F2R: variants seen among roughly 807,000 people sequenced by gnomAD.
F2R encodes proteinase-activated receptor 1.
F2R carries 12 observed loss-of-function variants against 18.3 expected under a neutral mutation model. That is an observed-to-expected ratio of 0.66 (90% confidence interval 0.42 to 1.06). The LOEUF (loss-of-function observed/expected upper bound fraction) is 1.06, where lower values mean the gene tolerates loss of function less well. Ranked by LOEUF, F2R falls within the 50% of genes least tolerant of loss-of-function variation. The pLI, the probability that F2R is intolerant of heterozygous loss-of-function variation, is 0.00. For missense variants in F2R, 438 were observed against 530.8 expected (o/e 0.83, Z 1.72); for synonymous variants, 210 against 219.9 (o/e 0.95, Z 0.40).
chr5:76,716,371 G>C lies in F2R; in HGVS notation c.64G>C (p.Ala22Pro). 6.9e-7 allele frequency: 1 copy of C among 1,458,364 alleles called. No homozygotes were observed. The highest frequency in any genetic ancestry group is 9.0e-7 in the Non-Finnish European group (1 of 1,109,074). The allele number at this position is 1,458,364 out of a possible 1,614,324, so 90.3% of individuals were successfully genotyped here. A position where few individuals can be genotyped will look rare whatever the true frequency, so the allele number is the denominator to read the frequency against. The change falls in exon 1 of 2, where the codon GCC (alanine) becomes CCC (proline). Residue 22 changes from alanine to proline, a missense_variant. Coordinates refer to ENST00000319211, the MANE Select transcript of F2R (RefSeq NM_001992.5). ...CFSLCGPLLS[A>P]RTRARRPESK... ...CAGTCTGTGCGGCCCGCTGTTGTCT[G>C]CCCGCACCCGGGCCCGCAGGCCAGG...
intron 1 of F2R, among the ~76,000 whole-genome samples, chr5:76,726,231 A>G (rs1372678970): frequency 6.6e-6 from 1 of 151,928 alleles, no homozygotes; most frequent in Non-Finnish European, 1.5e-5. Flanking sequence ...TCTACTAAAA[A>G]TACAAAAATT....
chr5:76,733,492 C>T lies in F2R; in HGVS notation c.1267C>T (p.Leu423=), dbSNP rs750721419. 5.6e-6 allele frequency: 9 copies of T among 1,605,840 alleles called. No individual in the cohort carries two copies. Among genetic ancestry groups the T allele is most frequent in the South Asian group, 1.1e-5 (1 of 89,366 alleles). ...SNLNNSIYKK[L]LT ...CCTGAATAACAGCATATACAAAAAG[C>T]TGTTAACTTAGGAAAAGGGACTGCT... The change falls in exon 2 of 2, where the codon CTG becomes TTG. Residue 423 remains leucine, a synonymous_variant. Coordinates refer to ENST00000319211, the MANE Select transcript of F2R (RefSeq NM_001992.5).
intron 1 of F2R, among the ~76,000 whole-genome samples, chr5:76,721,144 A>G (rs1308461421): frequency 6.6e-6 from 1 of 152,146 alleles, no homozygotes; most frequent in African/African-American, 2.4e-5. Flanking sequence ...CTCCCCTTCC[A>G]TTGCGGATAC....
intron 1 of F2R, among the ~76,000 whole-genome samples, chr5:76,728,853 G>A (rs995472056): frequency 6.6e-6 from 1 of 152,056 alleles, no homozygotes; most frequent in African/African-American, 2.4e-5. Flanking sequence ...ACCAAGCCTG[G>A]CTAATTTTTG....
rs373886145 is a variant in F2R, at chr5:76,732,866, G to A, written c.641G>A (p.Arg214His). The A allele has an allele frequency of 1.1e-5, 17 of 1,613,998 alleles. No individual in the cohort carries two copies. The highest frequency in any genetic ancestry group is 2.2e-5 in the East Asian group (1 of 44,888). The stretch of plus-strand genomic sequence containing the variant: ...TATCCCATGCAGTCCCTCTCCTGGC[G>A]TACTCTGGGAAGGGCTTCCTTCACT... ...VVYPMQSLSW[R>H]TLGRASFTCL... Residue 214 changes from arginine to histidine, a missense_variant, in exon 2 of 2, where the codon CGT becomes CAT. Arg to His is a conservative substitution (Grantham distance 29, BLOSUM62 0). Transcript: ENST00000319211.
intron 1 of F2R, among the ~76,000 whole-genome samples, chr5:76,720,127 C>T (rs76958298): frequency 0.011 from 1,696 of 152,224 alleles, 41 homozygotes; most frequent in African/African-American, 0.039. Flanking sequence ...GTGGCTTTGC[C>T]TTTATTTTTA....
In F2R at chr5:76,732,492, A is replaced by T. The variant is rs759779054; in HGVS notation, c.267A>T (p.Ser89=). ...PLQKQLPAFI[S]EDASGYLTSS... ...AAAAACAACTTCCTGCATTCATCTC[A>T]GAAGATGCCTCCGGATATTTGACCA... The change falls in exon 2 of 2, where the codon TCA becomes TCT. Residue 89 remains serine, a synonymous_variant. Coordinates refer to ENST00000319211, the MANE Select transcript of F2R (RefSeq NM_001992.5). 6.2e-7 allele frequency: 1 copy of T among 1,614,160 alleles called. No homozygotes were observed. The highest frequency in any genetic ancestry group is 1.7e-5 in the Admixed American group (1 of 60,032).
intron 1 of F2R, among the ~76,000 whole-genome samples, chr5:76,727,889 T>TC (rs1748599402): frequency 6.7e-6 from 1 of 148,150 alleles, no homozygotes; most frequent in Non-Finnish European, 1.5e-5. Context: ...TGGGTCACTT[T>TC]TTTTTTTTTT....
intron 1 of F2R, among the ~76,000 whole-genome samples, chr5:76,730,143 G>A (rs565972227): frequency 6.6e-6 from 1 of 152,212 alleles, no homozygotes; most frequent in South Asian, 2.1e-4. Context: ...AATTAATTTG[G>A]TTTTACTCAA....
At chr5:76,723,275 C>A (rs182840197) in intron 1 of F2R, among the ~76,000 whole-genome samples, 1 of 152,230 alleles carries the variant, frequency 6.6e-6, no homozygotes, top group Non-Finnish European at 1.5e-5. Context: ...TGGTGACATG[C>A]AAAGAGAAAA....
chr5:76,717,608 G>A (rs1215872910), intron 1 of F2R, among the ~76,000 whole-genome samples: 1 of 152,158 alleles, frequency 6.6e-6, no homozygotes, highest in Non-Finnish European at 1.5e-5. Flanking sequence ...GCAGTAACTA[G>A]CCTGCCTGCA....
chr5:76,726,455 C>T (rs963243332), intron 1 of F2R, among the ~76,000 whole-genome samples: 4 of 151,554 alleles, frequency 2.6e-5, no homozygotes, highest in East Asian at 1.9e-4. Context: ...GGCGTGAACC[C>T]GGGAGGTGGA....
At chr5:76,724,682 T>C (rs916579606) in intron 1 of F2R, among the ~76,000 whole-genome samples, 14 of 152,248 alleles carry the variant, frequency 9.2e-5, no homozygotes, top group Non-Finnish European at 1.8e-4. Flanking sequence ...ATTTCCATCA[T>C]TATTCTTTTG....
chr5:76,725,414 A>AAAGCT (rs1309665557), intron 1 of F2R, among the ~76,000 whole-genome samples: 2 of 152,080 alleles, frequency 1.3e-5, no homozygotes, highest in Admixed American at 1.3e-4. Flanking sequence ...TTGTGAAACC[A>AAAGCT]TAGCTTAACC....
intron 1 of F2R, among the ~76,000 whole-genome samples, chr5:76,731,896 A>T (rs1048048570): frequency 5.9e-5 from 9 of 152,190 alleles, no homozygotes; most frequent in African/African-American, 2.2e-4. Context: ...ATGACTGCAG[A>T]CTAAATGGAG....
At chr5:76,725,367 C>T (rs1748535927) in intron 1 of F2R, among the ~76,000 whole-genome samples, 1 of 152,046 alleles carries the variant, frequency 6.6e-6, no homozygotes, top group African/African-American at 2.4e-5. Flanking sequence ...CTTAGCAAAT[C>T]GTATGAGAAC....
Position 76,733,192 on chromosome 5 carries a change from A to G in F2R, c.967A>G (p.Ile323Val), listed in dbSNP as rs997980443. ...GTCAGCTGCTGTTTTCTGCATCTTCATCATTTGCTTCGGACCCACAAACGT... is the reference window on the plus strand; with the variant it reads ...GTCAGCTGCTGTTTTCTGCATCTTCGTCATTTGCTTCGGACCCACAAACGT... ...FLSAAVFCIF[I>V]ICFGPTNVLL... The change falls in exon 2 of 2, where the codon ATC becomes GTC. Residue 323 changes from isoleucine to valine, a missense_variant. Ile to Val is a conservative substitution (Grantham distance 29). Transcript: ENST00000319211. 4.3e-6 allele frequency: 7 copies of G among 1,614,066 alleles called. No individual in the cohort carries two copies. The highest frequency in any genetic ancestry group is 5.9e-6 in the Non-Finnish European group (7 of 1,180,028).
rs1748691923 is a variant in F2R at position 76,732,699 on chromosome 5, G to A, written c.474G>A (p.Lys158=). The A allele has an allele frequency of 1.2e-6, 2 of 1,614,080 alleles. No homozygotes were observed. Among genetic ancestry groups the A allele is most frequent in the African/African-American group, 2.7e-5 (2 of 74,922 alleles). ...TGTTTGTGTCTGTGCTCCCCTTTAA[G>A]ATCAGCTATTACTTTTCCGGCAGTG... ...DVLFVSVLPF[K]ISYYFSGSDW... is the part of the protein sequence containing the mutation. Residue 158 remains lysine, a synonymous_variant, in exon 2 of 2, where the codon AAG becomes AAA. Transcript: ENST00000319211.
At chr5:76,720,467 T>C (rs1002061562) in intron 1 of F2R, among the ~76,000 whole-genome samples, 25 of 152,216 alleles carry the variant, frequency 1.6e-4, no homozygotes, top group African/African-American at 6.0e-4. Flanking sequence ...AAATTTTAAA[T>C]TTAAATTAAT....
Sources: allele counts gnomAD v4.1 joint callset (sites outside exome capture counted in the v4.1 genomes callset), GRCh38; gene constraint gnomAD v4.1.1; transcripts MANE v1.5; gene names NCBI Gene and HGNC (gene_info 2026-07-23, HGNC 2026-07-21).